SCFD2: variants seen among roughly 807,000 people sequenced by gnomAD.
SCFD2 encodes the protein sec1 family domain containing 2, also known as sec1 family domain-containing protein 2.
SCFD2 carries 54 observed loss-of-function variants against 58.9 expected under a neutral mutation model. The ratio of observed to expected loss-of-function variants is 0.92; its 90% CI spans 0.74 to 1.15. The LOEUF is 1.15. Among genes scored for constraint, SCFD2 ranks in the 50% most tolerant of loss-of-function variants. The pLI is 0.00. For missense variants in SCFD2, 805 were observed against 836.6 expected (o/e 0.96, Z 0.47); for synonymous variants, 321 against 335.9 (o/e 0.96, Z 0.49).
At chr4:53,349,575 T>A (rs1209647126) in intron 2 of SCFD2, among the ~76,000 whole-genome samples, 6 of 152,210 alleles carry the variant, frequency 3.9e-5, no homozygotes, top group African/African-American at 1.4e-4. Flanking sequence ...TAAGACTTTC[T>A]CTCTTGTCAC....
At chr4:52,983,385 A>C (rs1048068006) in intron 5 of SCFD2, among the ~76,000 whole-genome samples, 1 of 152,234 alleles carries the variant, frequency 6.6e-6, no homozygotes, top group African/African-American at 2.4e-5. Context: ...ATTTTAAAGC[A>C]GTCAAAATAA....
rs528967245 is a variant in SCFD2, at chr4:53,211,745, A to G, written c.1311+62081T>C. On this transcript the variant is annotated intron_variant, in intron 4 of 8. Coordinates refer to ENST00000401642, the MANE Select transcript of SCFD2 (RefSeq NM_152540.4). ...TGTGTTGATGATTGTTGTAGTGTGAAAGTAGAAGAAAAGCATGGTTTGAGA... is the reference window on the plus strand; with the variant it reads ...TGTGTTGATGATTGTTGTAGTGTGAGAGTAGAAGAAAAGCATGGTTTGAGA... Among the ~76,000 whole-genome samples the G allele has an allele frequency of 2.0e-5, 3 of 152,208 alleles. No homozygotes were observed. In the East Asian group the frequency reaches 5.8e-4, roughly 29 times the overall value.
intron 4 of SCFD2, among the ~76,000 whole-genome samples, chr4:53,272,817 C>T (rs1296919998): frequency 1.3e-5 from 2 of 151,936 alleles, no homozygotes; most frequent in Admixed American, 6.6e-5. Flanking sequence ...AACTAACCTG[C>T]ACGTTGTGCA....
At chr4:53,231,727 T>G (rs1402559741) in intron 4 of SCFD2, among the ~76,000 whole-genome samples, 6 of 152,162 alleles carry the variant, frequency 3.9e-5, no homozygotes, top group Admixed American at 3.9e-4. Context: ...TAAAATGTTA[T>G]GTTTATGAGA....
chr4:53,302,685 A>G (rs1397081907), intron 3 of SCFD2, among the ~76,000 whole-genome samples: 2 of 152,210 alleles, frequency 1.3e-5, no homozygotes, highest in African/African-American at 4.8e-5. Context: ...GCATCAAGCT[A>G]CCTGACTTCG....
chr4:53,018,078 G>A (rs1012908515), intron 5 of SCFD2, among the ~76,000 whole-genome samples: 2 of 152,130 alleles, frequency 1.3e-5, no homozygotes, highest in African/African-American at 2.4e-5. Flanking sequence ...TTTGTTTGTT[G>A]TCTTCCCATA....
chr4:53,025,745 C>T (rs1486853997), intron 5 of SCFD2, among the ~76,000 whole-genome samples: 4 of 152,338 alleles, frequency 2.6e-5, no homozygotes, highest in African/African-American at 9.6e-5. Context: ...GACGAGGCCC[C>T]TGTGGCCTGC....
intron 5 of SCFD2, among the ~76,000 whole-genome samples, chr4:53,061,868 T>C (rs1723522827): frequency 6.6e-6 from 1 of 151,998 alleles, no homozygotes; most frequent in Non-Finnish European, 1.5e-5. Flanking sequence ...AGAAATGTAA[T>C]ACTAGGACAC....
chr4:53,343,107 T>C (rs1733936825), intron 2 of SCFD2, among the ~76,000 whole-genome samples: 1 of 151,728 alleles, frequency 6.6e-6, no homozygotes, highest in African/African-American at 2.4e-5. Context: ...ATAACGAAGA[T>C]CAGAGCAGAA....
intron 5 of SCFD2, among the ~76,000 whole-genome samples, chr4:52,974,504 T>G (rs902858729): frequency 2.0e-5 from 3 of 152,046 alleles, no homozygotes; most frequent in African/African-American, 7.3e-5. Context: ...AAACCACTGC[T>G]CAAGGAAATA....
chr4:53,350,158 C>T (rs767505038), intron 2 of SCFD2, among the ~76,000 whole-genome samples: 1 of 152,210 alleles, frequency 6.6e-6, no homozygotes, highest in Non-Finnish European at 1.5e-5. Flanking sequence ...TGTCCAGCAT[C>T]TGTTCCCCCA....
At chr4:52,960,571 G>A (rs571004471) in intron 5 of SCFD2, among the ~76,000 whole-genome samples, 20 of 152,080 alleles carry the variant, frequency 1.3e-4, no homozygotes, top group Middle Eastern at 6.8e-3. Context: ...GTTTCTCCAC[G>A]TTGGTCAGGC....
rs532875325 is a variant in SCFD2, at chr4:52,874,244, AG to A, written c.1963-184del. Among the ~76,000 whole-genome samples the A allele has an allele frequency of 9.1e-4, 138 of 152,220 alleles. 1 individual carries two copies. Among genetic ancestry groups the A allele is most frequent in the Non-Finnish European group, 1.3e-4 (9 of 68,008 alleles). ...TGGCGCTAGTGCCCTGCCTGGAAGGAGGGGGGCACAGTCTGGGACAGATGGC... is the reference window on the plus strand; with the variant it reads ...TGGCGCTAGTGCCCTGCCTGGAAGGAGGGGGCACAGTCTGGGACAGATGGC... On this transcript the variant is annotated intron_variant, in intron 8 of 8. Coordinates refer to ENST00000401642, the MANE Select transcript of SCFD2 (RefSeq NM_152540.4).
At chr4:52,901,776 T>C (rs528156791) in intron 7 of SCFD2, among the ~76,000 whole-genome samples, 52 of 152,338 alleles carry the variant, frequency 3.4e-4, no homozygotes, top group Non-Finnish European at 6.9e-4. Context: ...CAGGAATGCA[T>C]GCTAAATGCT....
At chr4:53,276,611 C>T (rs1731335995) in intron 3 of SCFD2, among the ~76,000 whole-genome samples, 1 of 152,224 alleles carries the variant, frequency 6.6e-6, no homozygotes, top group African/African-American at 2.4e-5. Flanking sequence ...CCTCTCCTTC[C>T]TCCCACCCTC....
intron 3 of SCFD2, among the ~76,000 whole-genome samples, chr4:53,301,437 C>G (rs1465269680): frequency 6.6e-6 from 1 of 151,812 alleles, no homozygotes; most frequent in Non-Finnish European, 1.5e-5. Flanking sequence ...ATAACAGGCT[C>G]TGAAATTGAG....
intron 4 of SCFD2, among the ~76,000 whole-genome samples, chr4:53,233,985 T>TA (rs906437224): frequency 6.6e-6 from 1 of 152,062 alleles, no homozygotes; most frequent in Admixed American, 6.6e-5. Flanking sequence ...CCAGTACTCA[T>TA]AAAAAAAGTT....
At chr4:53,222,443 T>A (rs1244717471) in intron 4 of SCFD2, among the ~76,000 whole-genome samples, 1 of 152,248 alleles carries the variant, frequency 6.6e-6, no homozygotes, top group African/African-American at 2.4e-5. Flanking sequence ...TGGATATCTG[T>A]GCATGATAAA....
intron 2 of SCFD2, among the ~76,000 whole-genome samples, chr4:53,330,833 G>A (rs1181000783): frequency 6.6e-6 from 1 of 152,068 alleles, no homozygotes. Context: ...CCATCAGTGT[G>A]CTGTATTCAG....
Sources: gnomAD v4.1 joint callset for allele counts (sites outside exome capture counted in the v4.1 genomes callset) on GRCh38, gnomAD v4.1.1 for gene constraint, MANE v1.5 for transcripts, NCBI Gene and HGNC (gene_info 2026-07-23, HGNC 2026-07-21) for gene names.